The following MAP3K7 variants were observed in gnomAD, a reference collection of about 807,000 sequenced individuals.
MAP3K7 encodes the protein mitogen-activated protein kinase kinase kinase 7, also known as TGF-beta activated kinase 1.
MAP3K7 carries 21 observed loss-of-function variants against 84.8 expected under a neutral mutation model. That is an observed-to-expected ratio of 0.25 (90% CI 0.18 to 0.36). The LOEUF (loss-of-function observed/expected upper bound fraction) is 0.36. MAP3K7 is among the 10% of genes least tolerant of loss of function. The pLI, the probability that MAP3K7 is intolerant of heterozygous loss-of-function variation, is 1.00. For missense variants in MAP3K7, 503 were observed against 747.7 expected (o/e 0.67, Z 3.82); for synonymous variants, 241 against 247.7 (o/e 0.97, Z 0.25).
At chr6:90,524,819 AC>A (rs1320435621) in intron 13 of MAP3K7, among the ~76,000 whole-genome samples, 1 of 152,192 alleles carries the variant, frequency 6.6e-6, no homozygotes, top group Non-Finnish European at 1.5e-5. Flanking sequence ...AATTATAATA[AC>A]AATAGCACAA....
chr6:90,551,377 T>C (rs546394802), intron 8 of MAP3K7: 1 of 152,296 alleles, frequency 6.6e-6, no homozygotes, highest in South Asian at 2.1e-4. Flanking sequence ...ATTTGAACTT[T>C]TTAAAGCCAA....
intron 3 of MAP3K7, among the ~76,000 whole-genome samples, chr6:90,564,966 C>T (rs952592714): frequency 1.3e-5 from 2 of 151,776 alleles, no homozygotes; most frequent in African/African-American, 2.4e-5. Flanking sequence ...CTACTGGGTA[C>T]GTAACGAAAT....
intron 12 of MAP3K7, among the ~76,000 whole-genome samples, chr6:90,540,373 T>G (rs1775816650): frequency 6.6e-6 from 1 of 152,046 alleles, no homozygotes; most frequent in Middle Eastern, 3.4e-3. Flanking sequence ...TTTCAAGTAC[T>G]TGAAATCAAG....
chr6:90,586,378 C>CAAAA (rs71027942), intron 1 of MAP3K7, among the ~76,000 whole-genome samples: 16 of 78,544 alleles, frequency 2.0e-4, no homozygotes, highest in South Asian at 5.2e-4. Flanking sequence ...GACTCCGTCT[C>CAAAA]AAAAAAAAAA....
At chr6:90,584,158 T>C (rs905057401) in intron 1 of MAP3K7, among the ~76,000 whole-genome samples, 6 of 152,202 alleles carry the variant, frequency 3.9e-5, no homozygotes, top group African/African-American at 1.4e-4. Flanking sequence ...TATAAAATAT[T>C]GGAAGCAACA....
At chr6:90,585,622 T>TTTTTTTTTTTTTTTTTGAGA (rs1562116557) in intron 1 of MAP3K7, among the ~76,000 whole-genome samples, 1 of 152,258 alleles carries the variant, frequency 6.6e-6, no homozygotes, top group African/African-American at 2.4e-5. Context: ...TTTTTACTTT[T>TTTTTTTTTTTTTTTTTGAGA]CTAAATTTTA....
At position 90,556,625 on chromosome 6, in the gene MAP3K7, C is replaced by A; in HGVS notation, c.483-1G>T. 6.4e-7 allele frequency: 1 copy of A among 1,561,406 alleles called. No homozygotes were observed. Among genetic ancestry groups the A allele is most frequent in the East Asian group, 2.3e-5 (1 of 43,680 alleles). On this transcript the variant is annotated splice_acceptor_variant, in intron 5 of 16. Transcript: ENST00000369329. LOFTEE classifies it high-confidence loss of function. ...TGTCCCCCCTGCAACCAGCAGTAAG[C>A]TGTTTAAAAAAAAACAAAAAACATC...
intron 1 of MAP3K7, among the ~76,000 whole-genome samples, chr6:90,572,815 G>C (rs1322219077): frequency 6.6e-6 from 1 of 151,866 alleles, no homozygotes; most frequent in Admixed American, 6.6e-5. Flanking sequence ...ACAAATATTT[G>C]ACATTTTTCA....
chr6:90,562,579 T>C (rs1361690788), intron 3 of MAP3K7, among the ~76,000 whole-genome samples: 1 of 152,104 alleles, frequency 6.6e-6, no homozygotes, highest in Non-Finnish European at 1.5e-5. Context: ...AGCCAGGAAG[T>C]TCGAACTGGG....
At chr6:90,547,900 G>A (rs534071991) in intron 10 of MAP3K7, 147 bp downstream of exon 10, 16 of 586,192 alleles carry the variant, frequency 2.7e-5, no homozygotes, top group Admixed American at 1.1e-4. Flanking sequence ...ATCTCATTAC[G>A]TGTCTCTATT....
chr6:90,519,808 G>A (rs1775089341), intron 14 of MAP3K7, among the ~76,000 whole-genome samples: 1 of 151,888 alleles, frequency 6.6e-6, no homozygotes, highest in Non-Finnish European at 1.5e-5. Flanking sequence ...AATTTATATA[G>A]ATTATAATGT....
intron 13 of MAP3K7, among the ~76,000 whole-genome samples, chr6:90,532,408 T>G (rs578100326): frequency 1.3e-5 from 2 of 152,292 alleles, no homozygotes; most frequent in African/African-American, 4.8e-5. Context: ...TTCACATCTG[T>G]TAAGAACTCT....
At chr6:90,546,943 G>A (rs1776020614) in intron 11 of MAP3K7, among the ~76,000 whole-genome samples, 1 of 151,660 alleles carries the variant, frequency 6.6e-6, no homozygotes, top group African/African-American at 2.4e-5. Flanking sequence ...AAATATTCTG[G>A]TTTTGGCAGA....
In MAP3K7 at chr6:90,552,068, A is replaced by G; in HGVS notation, c.848T>C (p.Ile283Thr). ...QRPSMEEIVKIMTHLMRYFPG... is the reference protein window; with the variant it reads ...QRPSMEEIVKTMTHLMRYFPG... ...TTATACCCGCATCAAGTGAGTCATTATTTTCACAATTTCCTCCATTGAAGG... is the reference window on the plus strand; with the variant it reads ...TTATACCCGCATCAAGTGAGTCATTGTTTTCACAATTTCCTCCATTGAAGG... Residue 283 changes from isoleucine (I) to threonine (T), a missense_variant, in exon 8 of 17, where the codon ATA becomes ACA. By Grantham distance (89) the Ile-to-Thr change is moderately conservative. Coordinates refer to ENST00000369329, the MANE Select transcript of MAP3K7 (RefSeq NM_145331.3). The G allele has an allele frequency of 1.2e-6, 2 of 1,610,814 alleles. 1 individual carries two copies.
Position 90,547,968 on chromosome 6 carries a change from G to T in MAP3K7, c.1080+79C>A, listed in dbSNP as rs923659241. The T allele has an allele frequency of 1.1e-5, 13 of 1,148,408 alleles. No individual in the cohort carries two copies. The Admixed American group carries it at 2.3e-4, about 21-fold the overall frequency. 71.1% of individuals were successfully genotyped at this position (1,148,408 alleles called of 1,614,324 possible). ...TTCAGGATTTATAAAATAGAAGATG[G>T]TAAATAATTAATTTCAGTTAGTATA... On this transcript the variant is annotated intron_variant, in intron 10 of 16. Transcript: ENST00000369329.
Position 90,550,494 on chromosome 6 carries a change from C to T in MAP3K7, c.923G>A (p.Gly308Glu). ...LQYPCQYSDE[G>E]QSNSATSTGS... Reference sequence around the variant, plus strand: ...TGTACTGGTGGCAGAGTTGCTCTGTCCTTCATCTGAATACTGACAAGGATA... The same window carrying T: ...TGTACTGGTGGCAGAGTTGCTCTGTTCTTCATCTGAATACTGACAAGGATA... Residue 308 changes from glycine (G) to glutamate (E), a missense_variant, in exon 9 of 17, where the codon GGA (glycine) becomes GAA (glutamate). This residue lies in a region of MAP3K7 where 286 missense variants were observed against 313.6 expected (regional missense o/e 0.91). Transcript: ENST00000369329. 2.5e-6 allele frequency: 4 copies of T among 1,611,704 alleles called. No homozygotes were observed. Among genetic ancestry groups the T allele is most frequent in the Non-Finnish European group, 3.4e-6 (4 of 1,178,392 alleles).
At chr6:90,545,506 GAAC>G (rs1445460621) in intron 11 of MAP3K7, among the ~76,000 whole-genome samples, 1 of 152,120 alleles carries the variant, frequency 6.6e-6, no homozygotes, top group African/African-American at 2.4e-5. Flanking sequence ...GATCTATCCT[GAAC>G]AACATCCCTG....
chr6:90,536,378 A>C lies in MAP3K7; in HGVS notation c.1315T>G (p.Ser439Ala). ...ISGNGQPRRRSIQDLTVTGTE... is the reference protein window; with the variant it reads ...ISGNGQPRRRAIQDLTVTGTE... ...CCAGTTACAGTCAAGTCTTGGATGG[A>C]TCTACGTCTTGGCTGTCCGTTGCCT... is the stretch of plus-strand genomic sequence containing the variant. The change falls in exon 13 of 17, where the codon TCC becomes GCC. Residue 439 changes from serine (S) to alanine (A), a missense_variant. By Grantham distance (99) the Ser-to-Ala change is moderately conservative. Around this residue, in one of 5 missense-constraint regions of MAP3K7, gnomAD observed 286 missense variants for 313.6 expected, o/e 0.91. Transcript: ENST00000369329. 1 of 1,612,416 alleles carries C rather than the reference A, an allele frequency of 6.2e-7. No homozygotes were observed. Among genetic ancestry groups the C allele is most frequent in the Non-Finnish European group, 8.5e-7 (1 of 1,178,814 alleles).
At chr6:90,560,852 A>G (rs893361459) in intron 4 of MAP3K7, among the ~76,000 whole-genome samples, 2 of 152,188 alleles carry the variant, frequency 1.3e-5, no homozygotes, top group Admixed American at 1.3e-4. Flanking sequence ...GAGCAGTCTT[A>G]TGGCACACTA....
Sources: gnomAD v4.1 joint callset for allele counts (sites outside exome capture counted in the v4.1 genomes callset) on GRCh38, gnomAD v4.1.1 for gene constraint, gnomAD v4.1.1 regional missense constraint, MANE v1.5 for transcripts, NCBI Gene and HGNC (gene_info 2026-07-23, HGNC 2026-07-21) for gene names.